VPS36: variants seen among roughly 807,000 people sequenced by gnomAD.
The protein encoded by VPS36 is vacuolar protein sorting 36 homolog, also known as vacuolar protein-sorting-associated protein 36.
Under a neutral mutation model 63.5 loss-of-function variants are expected in VPS36, and 31 were observed. The ratio of observed to expected loss-of-function variants is 0.49; its 90% CI spans 0.37 to 0.66. VPS36 has a LOEUF of 0.66. Ranked by LOEUF, VPS36 falls within the 30% of genes least tolerant of loss-of-function variation. The probability of loss-of-function intolerance (pLI) is 0.00; values close to 1 mark genes in which losing one functional copy is unlikely to be tolerated. For missense variants in VPS36, 338 were observed against 463.7 expected (o/e 0.73, Z 2.49); for synonymous variants, 138 against 157.2 (o/e 0.88, Z 0.91).
chr13:52,425,484 G>A (rs1042130039), intron 9 of VPS36, among the ~76,000 whole-genome samples: 159 of 152,042 alleles, frequency 1.0e-3, no homozygotes, highest in African/African-American at 3.7e-3. Flanking sequence ...TGGCCACAGA[G>A]GATTCATTAT....
At chr13:52,430,293 C>T (rs139229835) in intron 6 of VPS36, among the ~76,000 whole-genome samples, 1 of 152,190 alleles carries the variant, frequency 6.6e-6, no homozygotes, top group East Asian at 1.9e-4. Context: ...GAAACTGCAA[C>T]ATACAGCTAA....
intron 2 of VPS36, among the ~76,000 whole-genome samples, chr13:52,440,498 G>A (rs1025539936): frequency 6.6e-6 from 1 of 151,932 alleles, no homozygotes; most frequent in Non-Finnish European, 1.5e-5. Flanking sequence ...TCTCCACGTT[G>A]GTCAGGCTGG....
At chr13:52,417,831 C>A (rs1047763772) in intron 11 of VPS36, among the ~76,000 whole-genome samples, 161 bp downstream of exon 11, 1 of 152,150 alleles carries the variant, frequency 6.6e-6, no homozygotes, top group Non-Finnish European at 1.5e-5. Context: ...GACTCCTAGC[C>A]CTGTTAGGAC....
intron 1 of VPS36, among the ~76,000 whole-genome samples, chr13:52,447,920 CTG>C (rs1463556765): frequency 1.3e-5 from 2 of 152,080 alleles, no homozygotes; most frequent in Non-Finnish European, 2.9e-5. Context: ...AATCTTCTCT[CTG>C]TGGATCTTAG....
intron 2 of VPS36, among the ~76,000 whole-genome samples, chr13:52,440,950 G>C (rs1958270083): frequency 6.6e-6 from 1 of 152,088 alleles, no homozygotes; most frequent in Non-Finnish European, 1.5e-5. Context: ...ACTCTCAAAG[G>C]GAGGGCATGA....
At chr13:52,417,938 C>G in intron 11 of VPS36, 54 bp downstream of exon 11, 1 of 1,516,594 alleles carries the variant, frequency 6.6e-7, no homozygotes, top group Non-Finnish European at 9.1e-7. Flanking sequence ...TTCCCATCTA[C>G]CCCATGCAGA....
chr13:52,449,619 CT>C (rs1230122060), intron 1 of VPS36, among the ~76,000 whole-genome samples: 2 of 152,144 alleles, frequency 1.3e-5, no homozygotes, highest in African/African-American at 4.8e-5. Context: ...CAAATTAAAA[CT>C]TCTGGAAACC....
intron 6 of VPS36, among the ~76,000 whole-genome samples, chr13:52,429,826 AG>A (rs1259240435): frequency 6.6e-6 from 1 of 152,198 alleles, no homozygotes; most frequent in Non-Finnish European, 1.5e-5. Context: ...TAGCAATGCC[AG>A]GATCTAGGCA....
chr13:52,416,061 C>G lies in VPS36; in HGVS notation c.1023G>C (p.Glu341Asp). 1.2e-6 allele frequency: 2 copies of G among 1,613,902 alleles called. No homozygotes were observed. Among genetic ancestry groups the G allele is most frequent in the Non-Finnish European group, 1.7e-6 (2 of 1,179,944 alleles). Residue 341 changes from glutamate to aspartate, a missense_variant, in exon 13 of 14, where the codon GAG becomes GAC. Physicochemically the swap from Glu to Asp is conservative, Grantham distance 45. Coordinates refer to ENST00000378060, the MANE Select transcript of VPS36 (RefSeq NM_016075.4). ...CAGACATTCCCACAAGCTTAGCAAACTCTTCTGATGTTAGGGATCCCTTTT... is the reference window on the plus strand; with the variant it reads ...CAGACATTCCCACAAGCTTAGCAAAGTCTTCTGATGTTAGGGATCCCTTTT... ...VSEKGSLTSE[E>D]FAKLVGMSVL...
Position 52,415,898 on chromosome 13 carries a change from G to A in VPS36, c.1093C>T (p.His365Tyr). The A allele has an allele frequency of 1.5e-5, 24 of 1,613,928 alleles. No individual in the cohort carries two copies. Among genetic ancestry groups the A allele is most frequent in the Non-Finnish European group, 2.0e-5 (24 of 1,179,992 alleles). ...ERLLLAEKMG[H>Y]LCRDDSVEGL... Reference sequence around the variant, plus strand: ...TCCACTGAGTCATCACGGCAAAGATGGCCCATCTTCTCTGCAAGCAGCAAC... The same window carrying A: ...TCCACTGAGTCATCACGGCAAAGATAGCCCATCTTCTCTGCAAGCAGCAAC... Residue 365 changes from histidine (H) to tyrosine (Y), a missense_variant, in exon 14 of 14, where the codon CAT becomes TAT. His to Tyr is a moderately conservative substitution (Grantham distance 83). Coordinates refer to ENST00000378060, the MANE Select transcript of VPS36 (RefSeq NM_016075.4).
At chr13:52,430,872 T>C (rs1489127354) in intron 6 of VPS36, among the ~76,000 whole-genome samples, 1 of 151,250 alleles carries the variant, frequency 6.6e-6, no homozygotes, top group Admixed American at 6.6e-5. Flanking sequence ...CACTCTTTGA[T>C]AGCAACACTT....
chr13:52,444,455 G>A (rs575965137), intron 1 of VPS36, among the ~76,000 whole-genome samples: 5 of 148,580 alleles, frequency 3.4e-5, no homozygotes, highest in South Asian at 2.1e-4. Context: ...GCAAGACTCC[G>A]TTTAAAAAAT....
intron 10 of VPS36, among the ~76,000 whole-genome samples, chr13:52,418,345 G>A (rs1958012904): frequency 6.6e-6 from 1 of 151,922 alleles, no homozygotes; most frequent in Non-Finnish European, 1.5e-5. Context: ...GGGAGGCTGA[G>A]GCAGGTGAAT....
At chr13:52,437,799 G>A (rs1028271095) in intron 3 of VPS36, among the ~76,000 whole-genome samples, 1 of 151,974 alleles carries the variant, frequency 6.6e-6, no homozygotes, top group Non-Finnish European at 1.5e-5. Context: ...GCATGGTCGT[G>A]GGCGCCTGTA....
chr13:52,428,647 A>G (rs1451203215), intron 6 of VPS36, among the ~76,000 whole-genome samples: 1 of 152,238 alleles, frequency 6.6e-6, no homozygotes, highest in Non-Finnish European at 1.5e-5. Flanking sequence ...ATTTAAATAG[A>G]GGGCAAATCA....
chr13:52,448,916 G>A (rs1393729970), intron 1 of VPS36, among the ~76,000 whole-genome samples: 1 of 152,194 alleles, frequency 6.6e-6, no homozygotes, highest in Non-Finnish European at 1.5e-5. Context: ...TCAAAACACC[G>A]AGGAAGGGGA....
intron 10 of VPS36, among the ~76,000 whole-genome samples, chr13:52,418,978 A>G (rs991232333): frequency 3.9e-5 from 6 of 152,240 alleles, no homozygotes; most frequent in African/African-American, 1.4e-4. Flanking sequence ...AAGTTATTTC[A>G]TCTTTCTAAG....
At chr13:52,416,181 T>C (rs1435533539) in intron 12 of VPS36, 88 bp from the exon 13 acceptor site, 13 of 1,155,174 alleles carry the variant, frequency 1.1e-5, no homozygotes, top group African/African-American at 4.7e-5. Flanking sequence ...AGGCAGAATG[T>C]ATACCAGTAT....
chr13:52,416,049 A>T lies in VPS36; in HGVS notation c.1035T>A (p.Leu345=). The T allele has an allele frequency of 1.9e-6, 3 of 1,613,978 alleles. No individual in the cohort carries two copies. In the South Asian group the frequency reaches 3.3e-5, roughly 18 times the overall value. ...GSLTSEEFAK[L]VGMSVLLAKE... The stretch of plus-strand genomic sequence containing the variant: ...TGGCTAGGAGGACAGACATTCCCAC[A>T]AGCTTAGCAAACTCTTCTGATGTTA... Residue 345 remains leucine (L), a synonymous_variant, in exon 13 of 14, where the codon CTT becomes CTA. Coordinates refer to ENST00000378060, the MANE Select transcript of VPS36 (RefSeq NM_016075.4).
Sources: allele counts gnomAD v4.1 joint callset (sites outside exome capture counted in the v4.1 genomes callset), GRCh38; gene constraint gnomAD v4.1.1; transcripts MANE v1.5; gene names NCBI Gene and HGNC (gene_info 2026-07-23, HGNC 2026-07-21).